COL24A1: variants seen among roughly 807,000 people sequenced by gnomAD.
The protein encoded by COL24A1 is collagen type XXIV alpha 1 chain.
COL24A1 carries 224 observed loss-of-function variants against 253.9 expected under a neutral mutation model. That is an observed-to-expected ratio of 0.88 (90% CI 0.79 to 0.99). COL24A1 has a LOEUF of 0.99. Among genes scored for constraint, COL24A1 ranks in the 50% least tolerant of loss-of-function variants. COL24A1 has a pLI of 0.00. For missense variants in COL24A1, 2,131 were observed against 2,068.5 expected (o/e 1.03, Z -0.59); for synonymous variants, 685 against 673.7 (o/e 1.02, Z -0.26).
chr1:85,823,184 T>C (rs570487861), intron 45 of COL24A1, among the ~76,000 whole-genome samples: 4 of 152,188 alleles, frequency 2.6e-5, no homozygotes, highest in Non-Finnish European at 5.9e-5. Flanking sequence ...AACAATTATA[T>C]AGGTTTGACT....
chr1:85,836,073 G>T (rs1675968135), intron 43 of COL24A1, among the ~76,000 whole-genome samples: 2 of 152,102 alleles, frequency 1.3e-5, no homozygotes, highest in African/African-American at 4.8e-5. Context: ...GTTTTCCCCA[G>T]TTTACTAATC....
At chr1:85,800,813 A>C (rs773527323) in intron 47 of COL24A1, among the ~76,000 whole-genome samples, 1 of 152,214 alleles carries the variant, frequency 6.6e-6, no homozygotes, top group East Asian at 1.9e-4. Context: ...CCTAGGTCAG[A>C]GCATGCATCC....
chr1:85,744,787 T>C lies in COL24A1; in HGVS notation c.4551A>G (p.Ile1517Met). ...TGCTAAGGTAGTTCAGGGTTTTGAA[T>C]ATCTCTTCACTGTGGTCAATTAAAG... The part of the protein sequence containing the change: ...EVTLIDHSEE[I>M]FKTLNYLSNL... Residue 1517 changes from isoleucine to methionine, a missense_variant, in exon 57 of 60, where the codon ATA becomes ATG. By Grantham distance (10) the Ile-to-Met change is conservative (BLOSUM62 1). Transcript: ENST00000370571. The C allele has an allele frequency of 6.2e-7, 1 of 1,611,360 alleles. No individual in the cohort carries two copies. Among genetic ancestry groups the C allele is most frequent in the African/African-American group, 1.3e-5 (1 of 74,170 alleles).
In COL24A1 at chr1:86,119,532, C is replaced by A. The variant is rs189718894; in HGVS notation, c.1492-4154G>T. Among the ~76,000 whole-genome samples the A allele has an allele frequency of 4.4e-4, 67 of 152,120 alleles. No homozygotes were observed. The Middle Eastern group carries it at 0.014, about 31-fold the overall frequency. On this transcript the variant is annotated intron_variant, in intron 3 of 59. Transcript: ENST00000370571. ...ACAAAAGACAAGAAGAGCACAAATCCCCCTATCACTTCTGAGACAGCCTGT... is the reference window on the plus strand; with the variant it reads ...ACAAAAGACAAGAAGAGCACAAATCACCCTATCACTTCTGAGACAGCCTGT...
chr1:86,114,304 A>G (rs1705912344), intron 4 of COL24A1, among the ~76,000 whole-genome samples: 1 of 152,224 alleles, frequency 6.6e-6, no homozygotes, highest in South Asian at 2.1e-4. Flanking sequence ...AGATAAAAGT[A>G]AAAAAGTAAA....
intron 24 of COL24A1, among the ~76,000 whole-genome samples, chr1:85,923,579 A>C (rs1686801022): frequency 6.6e-6 from 1 of 152,252 alleles, no homozygotes; most frequent in Non-Finnish European, 1.5e-5. Context: ...TACTGGGCAA[A>C]CAACAAAATG....
intron 35 of COL24A1, among the ~76,000 whole-genome samples, chr1:85,873,850 C>T (rs944461372): frequency 3.3e-5 from 5 of 151,016 alleles, no homozygotes; most frequent in South Asian, 2.1e-4. Flanking sequence ...ACTAAGGCTC[C>T]GGTACATTAA....
chr1:86,061,621 C>G (rs1182233908), intron 8 of COL24A1, among the ~76,000 whole-genome samples: 1 of 152,014 alleles, frequency 6.6e-6, no homozygotes, highest in Non-Finnish European at 1.5e-5. Flanking sequence ...TATACTAGAA[C>G]AGCAGTAAAC....
At position 85,908,602 on chromosome 1, in the gene COL24A1, A is replaced by G; in HGVS notation, c.2720T>C (p.Leu907Ser). The change falls in exon 27 of 60, where the codon TTA (leucine) becomes TCA (serine). Residue 907 changes from leucine (L) to serine (S), a missense_variant. Physicochemically the swap from Leu to Ser is moderately radical, Grantham distance 145. Coordinates refer to ENST00000370571, the MANE Select transcript of COL24A1 (RefSeq NM_152890.7). The stretch of plus-strand genomic sequence containing the variant: ...TAAAGTCTTTCCTGTACTTACAGGT[A>G]ATCCCAATGGACCGATAGGTCCTGG... ...GVPGPIGPLG[L>S]PGHVGARGPP... 6.8e-7 allele frequency: 1 copy of G among 1,475,242 alleles called. No homozygotes were observed. Among genetic ancestry groups the G allele is most frequent in the Non-Finnish European group, 9.1e-7 (1 of 1,096,178 alleles). 91.4% of individuals were successfully genotyped at this position (1,475,242 alleles called of 1,614,324 possible).
intron 43 of COL24A1, among the ~76,000 whole-genome samples, chr1:85,831,871 C>A: frequency 6.6e-6 from 1 of 151,928 alleles, no homozygotes; most frequent in African/African-American, 2.4e-5. Flanking sequence ...ATAATTTTGG[C>A]AAAAAATGAT....
rs137920633 is a variant in COL24A1 at position 86,045,052 on chromosome 1, C to T, written c.1950+1773G>A. Among the ~76,000 whole-genome samples, 384 of 152,134 alleles carry T rather than the reference C, an allele frequency of 2.5e-3. 9 individuals carry two copies. The East Asian group carries it at 0.046, about 18-fold the overall frequency. On this transcript the variant is annotated intron_variant, in intron 12 of 59. Transcript: ENST00000370571. ...TCACCCAGGCTGGAGTGCAGTGGCA[C>T]GATCTCAGCTCACTGCAACCTTATT...
chr1:86,094,442 TGAG>T (rs1419102234), intron 5 of COL24A1, among the ~76,000 whole-genome samples: 3 of 151,890 alleles, frequency 2.0e-5, no homozygotes, highest in Non-Finnish European at 4.4e-5. Context: ...AGCTAAATGA[TGAG>T]AACACATGGA....
At chr1:85,953,566 T>A (rs558567065) in intron 24 of COL24A1, among the ~76,000 whole-genome samples, 1 of 152,330 alleles carries the variant, frequency 6.6e-6, no homozygotes, top group African/African-American at 2.4e-5. Flanking sequence ...AAGTGTTCAG[T>A]AAGTGTCTTC....
chr1:85,784,106 A>T lies in COL24A1; in HGVS notation c.4221+7T>A, dbSNP rs772940642. 2 of 1,600,282 alleles carry T rather than the reference A, an allele frequency of 1.2e-6. No individual in the cohort carries two copies. The highest frequency in any genetic ancestry group is 1.7e-6 in the Non-Finnish European group (2 of 1,168,260). ...CTAGAAGACTAGAAGAAAGTATGTA[A>T]ACATACTTTAGGGCCTGGGAATCCT... On this transcript the variant is annotated splice_region_variant and intron_variant, in intron 50 of 59. Transcript: ENST00000370571.
At chr1:85,831,436 T>A (rs1675270742) in intron 43 of COL24A1, among the ~76,000 whole-genome samples, 1 of 152,140 alleles carries the variant, frequency 6.6e-6, no homozygotes, top group South Asian at 2.1e-4. Flanking sequence ...CTCCTGGCTT[T>A]GTGAAGTATG....
chr1:86,084,185 C>T (rs1254947039), intron 7 of COL24A1, among the ~76,000 whole-genome samples: 2 of 151,950 alleles, frequency 1.3e-5, no homozygotes, highest in Non-Finnish European at 2.9e-5. Context: ...AAAAAGAATC[C>T]CTAAGCAAGA....
At chr1:85,906,277 T>TTTTTTTTTTTTTTTTTTTAA (rs1684817809) in intron 28 of COL24A1, among the ~76,000 whole-genome samples, 1 of 147,714 alleles carries the variant, frequency 6.8e-6, no homozygotes, top group African/African-American at 2.5e-5. Flanking sequence ...TTTTTTTTTT[T>TTTTTTTTTTTTTTTTTTTAA]ACCATGGTTA....
chr1:85,942,051 T>A (rs1688806719), intron 24 of COL24A1, among the ~76,000 whole-genome samples: 2 of 152,174 alleles, frequency 1.3e-5, no homozygotes, highest in African/African-American at 4.8e-5. Context: ...TATTTACTTG[T>A]TTAAGTTATG....
At chr1:86,048,278 T>A (rs768841286) in intron 11 of COL24A1, among the ~76,000 whole-genome samples, 11 of 152,172 alleles carry the variant, frequency 7.2e-5, no homozygotes, top group South Asian at 4.1e-4. Flanking sequence ...AAATGACTTC[T>A]TTCCATTTGT....
Sources: gnomAD v4.1 joint callset for allele counts (sites outside exome capture counted in the v4.1 genomes callset) on GRCh38, gnomAD v4.1.1 for gene constraint, MANE v1.5 for transcripts, NCBI Gene and HGNC (gene_info 2026-07-23, HGNC 2026-07-21) for gene names.